Variants in ESRP1 observed in about 807,000 individuals in gnomAD.
The protein encoded by ESRP1 is epithelial splicing regulatory protein 1.
ESRP1 carries 33 observed loss-of-function variants against 81.7 expected under a neutral mutation model. The observed-to-expected ratio is 0.40, with a 90% CI of 0.31 to 0.54. ESRP1 has a LOEUF of 0.54. ESRP1 is among the 20% of genes least tolerant of loss of function. The pLI is 0.41. For missense variants in ESRP1, 672 were observed against 833.1 expected, an observed-to-expected ratio of 0.81 and a Z score of 2.38; for synonymous variants, 320 against 303.3, an observed-to-expected ratio of 1.06 and a Z score of -0.57.
intron 15 of ESRP1, among the ~76,000 whole-genome samples, chr8:94,702,287 T>C (rs1270023652): frequency 2.0e-5 from 3 of 152,178 alleles, no homozygotes; most frequent in Non-Finnish European, 4.4e-5. Context: ...GGCTTTGCTT[T>C]TTTGATAGGT....
At chr8:94,680,735 T>C (rs1808839712) in intron 13 of ESRP1, among the ~76,000 whole-genome samples, 1 of 152,090 alleles carries the variant, frequency 6.6e-6, no homozygotes, top group South Asian at 2.1e-4. Context: ...TGAAAAACAT[T>C]AATTTCTAAC....
chr8:94,700,797 T>G (rs926814952), intron 15 of ESRP1, among the ~76,000 whole-genome samples: 6 of 151,646 alleles, frequency 4.0e-5, no homozygotes, highest in Non-Finnish European at 8.8e-5. Context: ...GGTGTGGTGG[T>G]GGGCGCCTGT....
chr8:94,647,469 G>T (rs1055570954), intron 4 of ESRP1, among the ~76,000 whole-genome samples: 1 of 152,186 alleles, frequency 6.6e-6, no homozygotes, highest in Non-Finnish European at 1.5e-5. Context: ...AGGCTGGGAT[G>T]TCCAAGATCA....
rs1453193905 is a variant in ESRP1 at position 94,662,365 on chromosome 8, C to T, written c.584C>T (p.Pro195Leu). The T allele has an allele frequency of 6.4e-7, 1 of 1,572,206 alleles. No individual in the cohort carries two copies. The highest frequency in any genetic ancestry group is 1.2e-5 in the South Asian group (1 of 85,492). ...ATAATTTTAGCAATGATTTCAGAGC[C>T]TTATAGTAAGTATTGCTTTTATAGT... is the stretch of plus-strand genomic sequence containing the variant. ...GNIILAMISE[P>L]YNHRFSDPER... Residue 195 changes from proline (P) to leucine (L), a missense_variant, in exon 5 of 16, where the codon CCT becomes CTT. Transcript: ENST00000433389.
intron 4 of ESRP1, 110 bp downstream of exon 4, chr8:94,646,392 C>A: frequency 3.0e-6 from 2 of 674,334 alleles, no homozygotes; most frequent in South Asian, 2.3e-5. Context: ...ATAAAATTGG[C>A]CTATCCAAAA....
chr8:94,662,020 T>C (rs982024970), intron 4 of ESRP1, among the ~76,000 whole-genome samples: 1 of 152,242 alleles, frequency 6.6e-6, no homozygotes, highest in African/African-American at 2.4e-5. Context: ...AGTATTCATT[T>C]GCTACAACTG....
chr8:94,656,206 TCAAA>T (rs1343390698), intron 4 of ESRP1: 1 of 95,790 alleles, frequency 1.0e-5, no homozygotes, highest in Non-Finnish European at 2.2e-5. Flanking sequence ...GACCCTAGTC[TCAAA>T]AAAAAAAAAA....
At chr8:94,652,249 A>G (rs945534227) in intron 4 of ESRP1, among the ~76,000 whole-genome samples, 2 of 151,956 alleles carry the variant, frequency 1.3e-5, no homozygotes, top group Non-Finnish European at 2.9e-5. Context: ...CGGCTTCTCA[A>G]AGTGCTGGGA....
intron 13 of ESRP1, among the ~76,000 whole-genome samples, chr8:94,679,443 G>A (rs1459996517): frequency 6.6e-6 from 1 of 152,154 alleles, no homozygotes; most frequent in East Asian, 1.9e-4. Flanking sequence ...GTCAGGAATG[G>A]AATCCTTGGT....
chr8:94,667,435 TA>T lies in ESRP1; in HGVS notation c.932-502del, dbSNP rs3045883. Among the ~76,000 whole-genome samples, 210 of 147,826 alleles carry T rather than the reference TA, an allele frequency of 1.4e-3. 1 individual carries two copies. The highest frequency in any genetic ancestry group is 3.5e-3 in the Middle Eastern group (1 of 288). On this transcript the variant is annotated intron_variant, in intron 9 of 15. Transcript: ENST00000433389. The stretch of plus-strand genomic sequence containing the variant: ...TAAGAATGTTTGAACCTTTCTTAAT[TA>T]AAAAAAAAAAAGGTAATTGAGTTAC...
chr8:94,654,734 C>T (rs1269389767), intron 4 of ESRP1, among the ~76,000 whole-genome samples: 1 of 151,932 alleles, frequency 6.6e-6, no homozygotes, highest in African/African-American at 2.4e-5. Flanking sequence ...CCAGCCTAAG[C>T]AACACAGGGA....
chr8:94,681,541 G>A (rs1255968433), intron 13 of ESRP1, among the ~76,000 whole-genome samples: 4 of 151,996 alleles, frequency 2.6e-5, no homozygotes, highest in African/African-American at 4.8e-5. Flanking sequence ...GGAGGCTAAG[G>A]CAAGAGAGTT....
rs916315174 is a variant in ESRP1, at chr8:94,680,719, G to A, written c.1820+2348G>A. ...TGGGATCACAGGTGTGAGCCACCACGCTCGGTGAAAAACATTAATTTCTAA... is the reference window on the plus strand; with the variant it reads ...TGGGATCACAGGTGTGAGCCACCACACTCGGTGAAAAACATTAATTTCTAA... On this transcript the variant is annotated intron_variant, in intron 13 of 15. Coordinates refer to ENST00000433389, the MANE Select transcript of ESRP1 (RefSeq NM_017697.4). Among the ~76,000 whole-genome samples the A allele has an allele frequency of 3.9e-5, 6 of 152,008 alleles. No homozygotes were observed. The East Asian group carries it at 5.8e-4, about 15-fold the overall frequency.
rs993563172 is a variant in ESRP1 at position 94,707,132 on chromosome 8, T to C, written c.*1243T>C. 2.6e-5 allele frequency: 4 copies of C among 152,266 alleles called. No homozygotes were observed. The highest frequency in any genetic ancestry group is 7.2e-5 in the African/African-American group (3 of 41,478). 9.4% of individuals were successfully genotyped at this position (152,266 alleles called of 1,614,324 possible). A position where few individuals can be genotyped will look rare whatever the true frequency, so the allele number is the denominator to read the frequency against. On this transcript the variant is annotated 3_prime_UTR_variant, in exon 16 of 16. Transcript: ENST00000433389. ...CTAAGTTACTCATATTGTCCTTTGC[T>C]TGAATGCAATGCCGTGCAGATTTAT...
intron 13 of ESRP1, among the ~76,000 whole-genome samples, chr8:94,681,493 T>C (rs1447623574): frequency 6.6e-6 from 1 of 150,498 alleles, no homozygotes; most frequent in East Asian, 2.0e-4. Context: ...AAAAAGTAGC[T>C]GGGTGTGGTG....
chr8:94,673,344 G>T (rs563686198), intron 11 of ESRP1, among the ~76,000 whole-genome samples: 1 of 152,200 alleles, frequency 6.6e-6, no homozygotes, highest in African/African-American at 2.4e-5. Context: ...AAGGTTCTTA[G>T]ATGATGCACA....
chr8:94,678,513 A>AG, intron 13 of ESRP1, 142 bp downstream of exon 13: 3 of 973,758 alleles, frequency 3.1e-6, no homozygotes, highest in Non-Finnish European at 4.4e-6. Flanking sequence ...ATCTCTGACC[A>AG]AGAAGGTTGT....
In ESRP1 at chr8:94,700,945, GTGTGTGTA is replaced by G. The variant is rs1279982356; in HGVS notation, c.*35+3992_*35+3999del. 1.5e-4 allele frequency among the ~76,000 whole-genome samples: 16 copies of G among 106,674 alleles called. No individual in the cohort carries two copies. The South Asian group carries it at 2.5e-3, about 16-fold the overall frequency. The allele number at this position is 106,674 out of a possible 152,430, so 70.0% of individuals were successfully genotyped here. A position where few individuals can be genotyped will look rare whatever the true frequency, so the allele number is the denominator to read the frequency against. On this transcript the variant is annotated intron_variant, in intron 15 of 15. Coordinates refer to ENST00000433389, the MANE Select transcript of ESRP1 (RefSeq NM_017697.4). ...CTCCGACTCAAAAAAAAATGTGTGT[GTGTGTGTA>G]TGTGTGTGTGTGTGTGTGTGTGTGT...
At chr8:94,658,505 T>TG (rs1435533783) in intron 4 of ESRP1, among the ~76,000 whole-genome samples, 1 of 152,218 alleles carries the variant, frequency 6.6e-6, no homozygotes, top group Non-Finnish European at 1.5e-5. Flanking sequence ...AGAACAGTTT[T>TG]GGTGGGTCAT....
Sources: gnomAD v4.1 joint callset for allele counts (sites outside exome capture counted in the v4.1 genomes callset) on GRCh38, gnomAD v4.1.1 for gene constraint, MANE v1.5 for transcripts, NCBI Gene and HGNC (gene_info 2026-07-23, HGNC 2026-07-21) for gene names.